The following LOC728743 variants were observed in gnomAD, a reference collection of about 807,000 sequenced individuals.
the LOC728743 span, chr7:150,410,468 C>T: frequency 4.6e-5 from 16 of 348,820 alleles, no homozygotes; most frequent in South Asian, 7.7e-4. Flanking sequence ...GGTGGTAGGA[C>T]GATGCCTGTG....
At chr7:150,407,371 G>A in the LOC728743 span, among the ~76,000 whole-genome samples, 4 of 152,198 alleles carry the variant, frequency 2.6e-5, no homozygotes, top group African/African-American at 9.7e-5. Flanking sequence ...CCCTTGGGAA[G>A]GGACTGGAAG....
At chr7:150,410,488 G>A in the LOC728743 span, 1 of 329,702 alleles carries the variant, frequency 3.0e-6, no homozygotes, top group Non-Finnish European at 5.5e-6. Flanking sequence ...GTGGAGAGCT[G>A]GCTTCTCTGC....
the LOC728743 span, chr7:150,408,425 T>G: frequency 2.8e-6 from 1 of 351,468 alleles, no homozygotes; most frequent in African/African-American, 2.1e-5. Context: ...TCTGGCTGGC[T>G]GCGCACAGCT....
chr7:150,403,895 A>T, the LOC728743 span, among the ~76,000 whole-genome samples: 1 of 152,212 alleles, frequency 6.6e-6, no homozygotes, highest in Non-Finnish European at 1.5e-5. The surrounding 1 kb of genome is among the most constrained non-coding windows in gnomAD (Gnocchi z 5.1). Flanking sequence ...GAAAGCAGGC[A>T]GGCCTGACCT....
the LOC728743 span, chr7:150,408,204 ACTT>A: frequency 1.0e-5 from 4 of 391,934 alleles, no homozygotes; most frequent in African/African-American, 2.1e-5. Context: ...CAGGCGGCCC[ACTT>A]AGGACGCGTG....
the LOC728743 span, chr7:150,410,721 A>G: frequency 6.6e-6 from 1 of 152,300 alleles, no homozygotes; most frequent in Non-Finnish European, 1.5e-5. Flanking sequence ...TCCCTAGGAA[A>G]ACAGATAACT....
the LOC728743 span, chr7:150,408,243 C>G: frequency 2.1e-5 from 8 of 387,540 alleles, no homozygotes; most frequent in Non-Finnish European, 3.2e-5. Context: ...GGCCTGCTGC[C>G]GACGGCTGCT....
chr7:150,406,765 C>T, the LOC728743 span, among the ~76,000 whole-genome samples: 1 of 152,188 alleles, frequency 6.6e-6, no homozygotes, highest in Non-Finnish European at 1.5e-5. Flanking sequence ...ACTGAGGGTG[C>T]TGCTCAGCCT....
the LOC728743 span, chr7:150,404,957 G>A: frequency 1.3e-5 from 2 of 152,378 alleles, no homozygotes; most frequent in Non-Finnish European, 2.9e-5. Context: ...CGGCGCCTCC[G>A]TCCGACCCTC....
At chr7:150,408,819 G>T in the LOC728743 span, among the ~76,000 whole-genome samples, 2 of 152,308 alleles carry the variant, frequency 1.3e-5, no homozygotes, top group South Asian at 2.1e-4. Flanking sequence ...ACTCTTCCTC[G>T]CTGGGATATA....
the LOC728743 span, chr7:150,407,490 A>G: frequency 7.5e-6 from 3 of 397,506 alleles, no homozygotes; most frequent in Non-Finnish European, 1.3e-5. Context: ...GTGGGAGGTG[A>G]GTGTCCCTGC....
the LOC728743 span, chr7:150,407,672 G>T: frequency 2.5e-6 from 1 of 399,254 alleles, no homozygotes; most frequent in Non-Finnish European, 4.4e-6. Context: ...GGAGGGTCTG[G>T]GGGACGAGCG....
the LOC728743 span, chr7:150,412,101 C>T: frequency 6.6e-6 from 1 of 152,290 alleles, no homozygotes; most frequent in Non-Finnish European, 1.5e-5. Context: ...ACTGTCATTT[C>T]CTCTTGAGTC....
At chr7:150,408,029 C>T in the LOC728743 span, 1 of 397,004 alleles carries the variant, frequency 2.5e-6, no homozygotes, top group Non-Finnish European at 4.4e-6. Flanking sequence ...GCGCTTCCTG[C>T]TCAACCACCA....
At chr7:150,410,035 T>C in the LOC728743 span, 1 of 397,892 alleles carries the variant, frequency 2.5e-6, no homozygotes, top group Non-Finnish European at 4.4e-6. Flanking sequence ...AGAGGATTCA[T>C]TCAAACCCTA....
chr7:150,408,013 C>T, the LOC728743 span: 2 of 397,756 alleles, frequency 5.0e-6, no homozygotes, highest in Non-Finnish European at 8.9e-6. Flanking sequence ...GCTGCTTCCG[C>T]GAGCCGCGCT....
chr7:150,405,847 A>C, the LOC728743 span: 2 of 152,256 alleles, frequency 1.3e-5, no homozygotes, highest in Non-Finnish European at 2.9e-5. Flanking sequence ...TGAGCAGCGC[A>C]GACTGTAGAG....
At chr7:150,412,231 G>A in the LOC728743 span, 3 of 152,274 alleles carry the variant, frequency 2.0e-5, no homozygotes, top group Non-Finnish European at 2.9e-5. Context: ...GTGGGGAGAG[G>A]GTATGTGAGT....
the LOC728743 span, chr7:150,407,831 G>A: frequency 2.4e-6 from 1 of 415,408 alleles, no homozygotes; most frequent in Non-Finnish European, 4.3e-6. Flanking sequence ...TCCCGAGTGC[G>A]GCAAGGCCTT....
Sources: allele counts gnomAD v4.1 joint callset (sites outside exome capture counted in the v4.1 genomes callset), GRCh38; gene constraint gnomAD v4.1.1; non-coding constraint Gnocchi (gnomAD v3.1); transcripts MANE v1.5.